DGKB: variants seen among roughly 807,000 people sequenced by gnomAD.
DGKB encodes the protein 90 kDa diacylglycerol kinase.
DGKB carries 67 observed loss-of-function variants against 114.3 expected under a neutral mutation model. The observed-to-expected ratio is 0.59, with a 90% CI of 0.48 to 0.72. The LOEUF (loss-of-function observed/expected upper bound fraction) is 0.72, where lower values mean the gene tolerates loss of function less well. DGKB is among the 30% of genes least tolerant of loss of function. The pLI, the probability that DGKB is intolerant of heterozygous loss-of-function variation, is 0.00. For missense variants in DGKB, 907 were observed against 975.2 expected, an observed-to-expected ratio of 0.93 and a Z score of 0.93; for synonymous variants, 398 against 323.1, an observed-to-expected ratio of 1.23 and a Z score of -2.49.
intron 23 of DGKB, chr7:14,209,598 GC>G (rs1562621942): frequency 4.3e-6 from 2 of 463,020 alleles, no homozygotes; most frequent in East Asian, 1.4e-4. Flanking sequence ...AGCAAAATCT[GC>G]CCCTTAAGAG....
chr7:14,571,284 T>A lies in DGKB; in HGVS notation c.1770+2928A>T, dbSNP rs148578538. 3.9e-3 allele frequency among the ~76,000 whole-genome samples: 594 copies of A among 152,338 alleles called. 5 individuals are homozygous for A. Among genetic ancestry groups the A allele is most frequent in the African/African-American group, 0.014 (580 of 41,580 alleles). On this transcript the variant is annotated intron_variant, in intron 20 of 25. Coordinates refer to ENST00000402815, the MANE Select transcript of DGKB (RefSeq NM_001350709.2). ...GTGCTGTAGTTCTATCAGAGTGGAA[T>A]AAGCTAAGAAAACAAGTAGATTCAT...
chr7:14,183,509 G>C (rs1782942995), intron 23 of DGKB, among the ~76,000 whole-genome samples: 2 of 152,178 alleles, frequency 1.3e-5, no homozygotes, highest in African/African-American at 4.8e-5. Flanking sequence ...ATTAATAAAG[G>C]AGAAACTGTA....
intron 21 of DGKB, among the ~76,000 whole-genome samples, chr7:14,383,056 C>T (rs1237923997): frequency 6.6e-6 from 1 of 152,178 alleles, no homozygotes; most frequent in African/African-American, 2.4e-5. Context: ...CTTCCTTCTC[C>T]TTTTCTTTTG....
chr7:14,728,057 C>T (rs959640926), intron 5 of DGKB, among the ~76,000 whole-genome samples: 1 of 152,118 alleles, frequency 6.6e-6, no homozygotes, highest in Non-Finnish European at 1.5e-5. Context: ...GACTCAAATG[C>T]ACAGAAAACA....
rs140132345 is a variant in DGKB at position 14,422,709 on chromosome 7, T to C, written c.1835+55452A>G. Among the ~76,000 whole-genome samples the C allele has an allele frequency of 2.8e-4, 43 of 152,120 alleles. No individual in the cohort carries two copies. The East Asian group carries it at 7.9e-3, about 28-fold the overall frequency. On this transcript the variant is annotated intron_variant, in intron 21 of 25. Transcript: ENST00000402815. ...ATTAAAACATTTTAGTACTTAATCC[T>C]ATGGTTGTCATGCATGAGACTGGTT...
chr7:14,230,801 C>T (rs1791602798), intron 23 of DGKB, among the ~76,000 whole-genome samples: 1 of 152,032 alleles, frequency 6.6e-6, no homozygotes, highest in Non-Finnish European at 1.5e-5. Flanking sequence ...ATACACATTA[C>T]TACCTCTGTC....
intron 21 of DGKB, among the ~76,000 whole-genome samples, chr7:14,435,564 GTTA>G (rs1829113865): frequency 6.6e-6 from 1 of 151,986 alleles, no homozygotes; most frequent in Non-Finnish European, 1.5e-5. Context: ...TCAAATAAAT[GTTA>G]TTATTTTTAC....
At chr7:14,767,850 AT>A (rs939704819) in intron 2 of DGKB, among the ~76,000 whole-genome samples, 1 of 151,778 alleles carries the variant, frequency 6.6e-6, no homozygotes, top group South Asian at 2.1e-4. Flanking sequence ...ACTTCATTTT[AT>A]TTTTTTTAAG....
At chr7:14,638,143 G>T (rs1432719226) in intron 13 of DGKB, among the ~76,000 whole-genome samples, 3 of 151,882 alleles carry the variant, frequency 2.0e-5, no homozygotes, top group African/African-American at 7.3e-5. Flanking sequence ...TTCTCTACCT[G>T]CTGTAACTCC....
intron 13 of DGKB, among the ~76,000 whole-genome samples, chr7:14,639,684 A>G (rs904807090): frequency 6.6e-6 from 1 of 152,190 alleles, no homozygotes; most frequent in Non-Finnish European, 1.5e-5. Context: ...AACTATCACT[A>G]TGATCAACAT....
intron 22 of DGKB, among the ~76,000 whole-genome samples, chr7:14,339,207 C>CT (rs1811196948): frequency 8.8e-6 from 1 of 113,798 alleles, no homozygotes; most frequent in Non-Finnish European, 1.9e-5. Flanking sequence ...AAGACTTTTG[C>CT]TAAAAAAAAA....
chr7:14,679,179 C>T (rs1820406456), intron 12 of DGKB, among the ~76,000 whole-genome samples: 1 of 94,418 alleles, frequency 1.1e-5, no homozygotes, highest in Admixed American at 1.1e-4. Flanking sequence ...TCATGGAGTG[C>T]CCTCTGGAAA....
intron 13 of DGKB, among the ~76,000 whole-genome samples, chr7:14,660,460 G>A (rs1468280123): frequency 6.6e-6 from 1 of 152,030 alleles, no homozygotes; most frequent in Non-Finnish European, 1.5e-5. Flanking sequence ...GACTGTATGT[G>A]TCGAGGAATT....
chr7:14,492,327 A>C (rs771756249), intron 20 of DGKB, among the ~76,000 whole-genome samples: 2 of 151,876 alleles, frequency 1.3e-5, no homozygotes, highest in Non-Finnish European at 2.9e-5. Context: ...GGAGGTAGCT[A>C]TTGTCTAGGG....
At chr7:14,243,573 T>C (rs1304570057) in intron 23 of DGKB, among the ~76,000 whole-genome samples, 2 of 152,328 alleles carry the variant, frequency 1.3e-5, no homozygotes, top group East Asian at 3.9e-4. Flanking sequence ...TACCTTGGCA[T>C]GGCATTTCAC....
At chr7:14,838,054 C>T (rs1405552027) in intron 2 of DGKB, among the ~76,000 whole-genome samples, 1 of 152,120 alleles carries the variant, frequency 6.6e-6, no homozygotes, top group East Asian at 1.9e-4. Flanking sequence ...TACCAATTTA[C>T]TGAACAACCA....
chr7:14,755,128 CT>C (rs1416394724), intron 3 of DGKB, among the ~76,000 whole-genome samples: 1 of 152,118 alleles, frequency 6.6e-6, no homozygotes, highest in Non-Finnish European at 1.5e-5. Flanking sequence ...CCTACAGAAT[CT>C]TTAAGGCTAT....
intron 23 of DGKB, among the ~76,000 whole-genome samples, chr7:14,308,829 T>C (rs970331976): frequency 6.6e-6 from 1 of 152,194 alleles, no homozygotes; most frequent in Non-Finnish European, 1.5e-5. Context: ...ATGGGACACA[T>C]TTTTTTCAGT....
At chr7:14,889,791 A>T (rs1780896475) in intron 1 of DGKB, among the ~76,000 whole-genome samples, 1 of 151,616 alleles carries the variant, frequency 6.6e-6, no homozygotes, top group African/African-American at 2.4e-5. Flanking sequence ...ATGGAATTGG[A>T]ATCTGAACAG....
Sources: gnomAD v4.1 joint callset for allele counts (sites outside exome capture counted in the v4.1 genomes callset) on GRCh38, gnomAD v4.1.1 for gene constraint, MANE v1.5 for transcripts, NCBI Gene and HGNC (gene_info 2026-07-23, HGNC 2026-07-21) for gene names.